DLGAP1: variants seen among roughly 807,000 people sequenced by gnomAD.
DLGAP1 encodes the protein disks large-associated protein 1.
In DLGAP1, 11 loss-of-function variants were observed where a neutral mutation model predicts 90.8. The observed-to-expected ratio is 0.12, with a 90% CI of 0.08 to 0.20. The LOEUF (loss-of-function observed/expected upper bound fraction) is 0.20, where lower values mean the gene tolerates loss of function less well. Ranked by LOEUF, DLGAP1 falls within the 10% of genes least tolerant of loss-of-function variation. The probability of loss-of-function intolerance (pLI) is 1.00; values close to 1 mark genes in which losing one functional copy is unlikely to be tolerated. For missense variants in DLGAP1, 1,050 were observed against 1,333.8 expected, an observed-to-expected ratio of 0.79 and a Z score of 3.31; for synonymous variants, 558 against 540.7, an observed-to-expected ratio of 1.03 and a Z score of -0.44.
chr18:4,375,607 T>C (rs1457868279), intron 1 of DLGAP1, among the ~76,000 whole-genome samples: 2 of 152,154 alleles, frequency 1.3e-5, no homozygotes, highest in Admixed American at 6.5e-5. Flanking sequence ...CAGAGCCTCC[T>C]AGATTGATTT....
At chr18:3,856,416 T>C (rs1344486229) in intron 4 of DLGAP1, among the ~76,000 whole-genome samples, 2 of 152,094 alleles carry the variant, frequency 1.3e-5, no homozygotes, top group Non-Finnish European at 2.9e-5. Flanking sequence ...TTTTGTTAAT[T>C]AGATGAGAGA....
At chr18:3,842,587 T>C (rs2068780053) in intron 4 of DLGAP1, among the ~76,000 whole-genome samples, 1 of 151,870 alleles carries the variant, frequency 6.6e-6, no homozygotes, top group Admixed American at 6.6e-5. Flanking sequence ...TTTGGTGTTT[T>C]TTTTTTTTTC....
intron 7 of DLGAP1, among the ~76,000 whole-genome samples, chr18:3,617,408 G>A (rs1199340970): frequency 2.6e-5 from 4 of 152,070 alleles, no homozygotes; most frequent in Admixed American, 2.6e-4. Context: ...AGACTAGCTT[G>A]ACCAACATGG....
At chr18:3,887,978 G>T (rs944556397) in intron 3 of DLGAP1, among the ~76,000 whole-genome samples, 2 of 151,550 alleles carry the variant, frequency 1.3e-5, no homozygotes, top group Non-Finnish European at 2.9e-5. Context: ...CGTGGTGGCG[G>T]GCGCCTGTAG....
chr18:3,731,021 C>A (rs1016462140), intron 6 of DLGAP1, among the ~76,000 whole-genome samples: 8 of 152,148 alleles, frequency 5.3e-5, no homozygotes, highest in Non-Finnish European at 1.2e-4. Flanking sequence ...AAAATCTCAA[C>A]AATCCATACA....
chr18:3,969,771 C>T (rs901965502), intron 3 of DLGAP1, among the ~76,000 whole-genome samples: 3 of 152,136 alleles, frequency 2.0e-5, no homozygotes, highest in Admixed American at 1.3e-4. Context: ...GCCAACTATT[C>T]TATGTCTGTC....
chr18:3,616,823 C>T (rs973518249), intron 7 of DLGAP1, among the ~76,000 whole-genome samples: 5 of 151,920 alleles, frequency 3.3e-5, no homozygotes, highest in East Asian at 1.9e-4. Flanking sequence ...TCCTTGAATC[C>T]GAGAGGTTTG....
In DLGAP1 at chr18:4,342,459, T is replaced by C. The variant is rs1302871584; in HGVS notation, c.-267+112547A>G. Among the ~76,000 whole-genome samples the C allele has an allele frequency of 6.6e-6, 1 of 152,224 alleles. No homozygotes were observed. Among genetic ancestry groups the C allele is most frequent in the African/African-American group, 2.4e-5 (1 of 41,458 alleles). ...AATGGTTTTAAAACTCTGCTTTCTTTTAAATAAGAGCCATTTCTAACTTTG... is the reference window on the plus strand; with the variant it reads ...AATGGTTTTAAAACTCTGCTTTCTTCTAAATAAGAGCCATTTCTAACTTTG... On this transcript the variant is annotated intron_variant, in intron 1 of 12. Transcript: ENST00000315677. This position sits in a 1 kb window ranked among gnomAD's most constrained non-coding sequence, Gnocchi z 5.8.
intron 8 of DLGAP1, among the ~76,000 whole-genome samples, chr18:3,577,146 C>A (rs2055204500): frequency 1.3e-5 from 2 of 152,208 alleles, no homozygotes; most frequent in Admixed American, 1.3e-4. Flanking sequence ...CAGGGGTGCG[C>A]CACCGTGCCT....
intron 2 of DLGAP1, among the ~76,000 whole-genome samples, chr18:4,130,395 T>C (rs1235923559): frequency 2.0e-5 from 3 of 152,218 alleles, no homozygotes; most frequent in East Asian, 3.9e-4. Context: ...TAAGTGAATG[T>C]GTAAGTGACA....
intron 3 of DLGAP1, among the ~76,000 whole-genome samples, chr18:3,980,777 G>A (rs1193614719): frequency 2.6e-5 from 4 of 151,952 alleles, no homozygotes; most frequent in Admixed American, 1.3e-4. Flanking sequence ...TATATTTGTG[G>A]TATACAACAT....
rs1397573580 is a variant in DLGAP1 at position 4,204,969 on chromosome 18, T to C, written c.-266-53682A>G. Among the ~76,000 whole-genome samples, 8 of 152,218 alleles carry C rather than the reference T, an allele frequency of 5.3e-5. No homozygotes were observed. In the East Asian group the frequency reaches 9.7e-4, roughly 18 times the overall value. On this transcript the variant is annotated intron_variant, in intron 1 of 12. Transcript: ENST00000315677. Reference sequence around the variant, plus strand: ...CCCCCAACATATTAACTATCCATCATACATAATAATTTTGAAATCTGCTTT... The same window carrying C: ...CCCCCAACATATTAACTATCCATCACACATAATAATTTTGAAATCTGCTTT...
chr18:4,299,038 G>T (rs2080056849), intron 1 of DLGAP1, among the ~76,000 whole-genome samples: 1 of 140,166 alleles, frequency 7.1e-6, no homozygotes, highest in African/African-American at 2.7e-5. Context: ...CCCAGATCAC[G>T]CCACTGCAGT....
chr18:4,181,762 G>C (rs1230091601), intron 1 of DLGAP1, among the ~76,000 whole-genome samples: 3 of 151,714 alleles, frequency 2.0e-5, no homozygotes, highest in Admixed American at 6.6e-5. Context: ...ATTTATGTAT[G>C]GTACTCATCA....
At chr18:4,273,591 C>T (rs569870659) in intron 1 of DLGAP1, among the ~76,000 whole-genome samples, 27 of 152,230 alleles carry the variant, frequency 1.8e-4, no homozygotes, top group Admixed American at 3.9e-4. Flanking sequence ...TACAGGTGGA[C>T]GCCAAAATGC....
At position 3,932,360 on chromosome 18, in the gene DLGAP1, A is replaced by G. The variant is rs532183248; in HGVS notation, c.-72-52220T>C. On this transcript the variant is annotated intron_variant, in intron 3 of 12. Transcript: ENST00000315677. ...TTTTCCCTCTAGACAGCCGGCCAAT[A>G]ACATCAACAAAAAGTGCCTCATGTG... Among the ~76,000 whole-genome samples, 24 of 152,342 alleles carry G rather than the reference A, an allele frequency of 1.6e-4. 1 individual carries two copies. In the East Asian group the frequency reaches 4.6e-3, roughly 29 times the overall value.
intron 3 of DLGAP1, among the ~76,000 whole-genome samples, chr18:3,902,317 G>A (rs2071802510): frequency 6.6e-6 from 1 of 152,112 alleles, no homozygotes; most frequent in Non-Finnish European, 1.5e-5. Context: ...GTAATATCGA[G>A]TTGCTTTTAA....
chr18:3,524,524 C>T (rs1476849678), intron 10 of DLGAP1, among the ~76,000 whole-genome samples: 4 of 152,252 alleles, frequency 2.6e-5, no homozygotes, highest in African/African-American at 9.6e-5. Context: ...ATAATAGTCA[C>T]CAACTTACTT....
At chr18:4,407,337 G>A (rs1408775114) in intron 1 of DLGAP1, among the ~76,000 whole-genome samples, 3 of 152,094 alleles carry the variant, frequency 2.0e-5, no homozygotes, top group African/African-American at 7.2e-5. Flanking sequence ...TCTTTACACA[G>A]GTAAATTAAA....
Sources: allele counts gnomAD v4.1 joint callset (sites outside exome capture counted in the v4.1 genomes callset), GRCh38; gene constraint gnomAD v4.1.1; non-coding constraint Gnocchi (gnomAD v3.1); transcripts MANE v1.5; gene names NCBI Gene and HGNC (gene_info 2026-07-23, HGNC 2026-07-21).